Variants in GLIS3 observed in about 807,000 individuals in gnomAD.
GLIS3 encodes the protein GLIS family zinc finger 3, also known as zinc finger protein GLIS3.
In GLIS3, 53 loss-of-function variants were observed where a neutral mutation model predicts 78.6. The observed-to-expected ratio is 0.67, with a 90% CI of 0.54 to 0.85. GLIS3 has a LOEUF of 0.85. Ranked by LOEUF, GLIS3 falls within the 40% of genes least tolerant of loss-of-function variation. The pLI is 0.00. For synonymous variants in GLIS3, 684 were observed against 509.9 expected (o/e 1.34, Z -4.60); for missense variants, 1,703 against 1,231.1 (o/e 1.38, Z -5.74).
Position 3,975,591 on chromosome 9 carries a change from AG to A in GLIS3, c.1711-38403del. ...TTTTTTTTTTTTTTGAGAAGCAAAA[AG>A]TACCTTATAGGTGCTTACTTTTAAG... On this transcript the variant is annotated intron_variant, in intron 4 of 10. Coordinates refer to ENST00000381971, the MANE Select transcript of GLIS3 (RefSeq NM_001042413.2). 1.3e-5 allele frequency among the ~76,000 whole-genome samples: 2 copies of A among 152,078 alleles called. 1 individual carries two copies. The highest frequency in any genetic ancestry group is 4.1e-4 in the South Asian group (2 of 4,820).
rs564344143 is a variant in GLIS3 at position 4,152,055 on chromosome 9, C to A, written c.389-26114G>T. On this transcript the variant is annotated intron_variant, in intron 2 of 10. Coordinates refer to ENST00000381971, the MANE Select transcript of GLIS3 (RefSeq NM_001042413.2). ...AACCAGAACCTCAAACCCTCCCAGTCTCATATCTCACCTAGACAACAAACA... is the reference window on the plus strand; with the variant it reads ...AACCAGAACCTCAAACCCTCCCAGTATCATATCTCACCTAGACAACAAACA... 56 of 758,288 alleles carry A rather than the reference C, an allele frequency of 7.4e-5. No homozygotes were observed. The South Asian group carries it at 2.7e-3, about 37-fold the overall frequency. The allele number at this position is 758,288 out of a possible 1,614,324, so 47.0% of individuals were successfully genotyped here. A position where few individuals can be genotyped will look rare whatever the true frequency, so the allele number is the denominator to read the frequency against.
At chr9:4,188,597 T>C (rs1258478038) in intron 2 of GLIS3, among the ~76,000 whole-genome samples, 2 of 152,170 alleles carry the variant, frequency 1.3e-5, no homozygotes, top group Non-Finnish European at 2.9e-5. Context: ...GTACCTCTGG[T>C]AGAATTCAGC....
At chr9:4,235,401 C>G (rs374956277) in intron 2 of GLIS3, among the ~76,000 whole-genome samples, 30 of 152,130 alleles carry the variant, frequency 2.0e-4, no homozygotes, top group African/African-American at 7.0e-4. Context: ...GCATGTGCCA[C>G]CGCTTAAGAC....
intron 2 of GLIS3, among the ~76,000 whole-genome samples, chr9:4,321,654 T>G (rs1245490062): frequency 1.4e-5 from 2 of 139,836 alleles, no homozygotes; most frequent in African/African-American, 5.3e-5. Flanking sequence ...TCCCATTTCT[T>G]CTCTGCTATC....
rs1554646448 is a variant in GLIS3, at chr9:4,279,314, A to AT, written c.388+6723_388+6724insA. On this transcript the variant is annotated intron_variant, in intron 2 of 10. Transcript: ENST00000381971. ...CTCCATCTCAAAAAAAAAAAAAAAA[A>AT]ATATATATATACACACACACACACA... 7.4e-3 allele frequency among the ~76,000 whole-genome samples: 610 copies of AT among 82,646 alleles called. 42 individuals carry two copies. Among genetic ancestry groups the AT allele is most frequent in the African/African-American group, 0.021 (537 of 25,766 alleles). 54.2% of individuals were successfully genotyped at this position (82,646 alleles called of 152,430 possible).
At chr9:4,455,782 A>G in the GLIS3 span, among the ~76,000 whole-genome samples, 1 of 152,154 alleles carries the variant, frequency 6.6e-6, no homozygotes, top group African/African-American at 2.4e-5. Context: ...CAATAAAGTG[A>G]TTCACATGAT....
chr9:3,898,027 C>A (rs1822988476), intron 7 of GLIS3, among the ~76,000 whole-genome samples: 1 of 152,174 alleles, frequency 6.6e-6, no homozygotes, highest in Admixed American at 6.5e-5. Context: ...ATAAGTATAT[C>A]ACCATTACAG....
intron 7 of GLIS3, among the ~76,000 whole-genome samples, chr9:3,896,714 G>C (rs1588172345): frequency 2.4e-5 from 3 of 126,978 alleles, no homozygotes; most frequent in South Asian, 5.5e-4. Flanking sequence ...ACAGTCATAA[G>C]GTACCTGGAG....
chr9:4,084,806 G>A (rs765420839), intron 4 of GLIS3, among the ~76,000 whole-genome samples: 2 of 152,002 alleles, frequency 1.3e-5, no homozygotes, highest in South Asian at 2.1e-4. Flanking sequence ...AGAACACCAC[G>A]TTAGGACTGT....
chr9:4,339,257 C>A (rs1817799270), intron 2 of GLIS3, among the ~76,000 whole-genome samples: 2 of 152,182 alleles, frequency 1.3e-5, no homozygotes, highest in African/African-American at 4.8e-5. Context: ...GTGAATTGAT[C>A]TGTTGTTTTG....
chr9:4,328,647 C>G (rs1817638017), intron 2 of GLIS3, among the ~76,000 whole-genome samples: 1 of 152,230 alleles, frequency 6.6e-6, no homozygotes, highest in African/African-American at 2.4e-5. Flanking sequence ...GTCCTGAAGC[C>G]AGAGAGCCTG....
At chr9:4,022,551 T>C (rs1822977064) in intron 4 of GLIS3, among the ~76,000 whole-genome samples, 1 of 152,150 alleles carries the variant, frequency 6.6e-6, no homozygotes, top group Admixed American at 6.6e-5. Flanking sequence ...GCCTACCCTA[T>C]GACCCAGCCA....
intron 4 of GLIS3, among the ~76,000 whole-genome samples, chr9:4,025,219 T>A (rs900230715): frequency 6.6e-6 from 1 of 151,134 alleles, no homozygotes; most frequent in African/African-American, 2.4e-5. Flanking sequence ...GGCACTGCAC[T>A]CCAACCTAGG....
intron 2 of GLIS3, among the ~76,000 whole-genome samples, chr9:4,219,236 C>G (rs1407055038): frequency 6.6e-6 from 1 of 152,210 alleles, no homozygotes; most frequent in East Asian, 1.9e-4. Flanking sequence ...ATAAACGAGA[C>G]CTGACCAACA....
At chr9:4,467,105 C>T in the GLIS3 span, among the ~76,000 whole-genome samples, 31 of 152,290 alleles carry the variant, frequency 2.0e-4, no homozygotes, top group Middle Eastern at 3.4e-3. Context: ...CCATTGCTGA[C>T]GCTTGAGCAG....
At chr9:3,937,325 A>T in intron 4 of GLIS3, 136 bp from the exon 5 acceptor site, 1 of 837,708 alleles carries the variant, frequency 1.2e-6, no homozygotes. Flanking sequence ...AACAGTAATA[A>T]ATATTGCTCC....
chr9:4,397,234 C>T, the GLIS3 span, among the ~76,000 whole-genome samples: 1 of 145,084 alleles, frequency 6.9e-6, no homozygotes, highest in South Asian at 2.2e-4. Flanking sequence ...ACCGTTTTAG[C>T]CGGGATGGTC....
chr9:3,999,651 T>G lies in GLIS3; in HGVS notation c.1711-62462A>C, dbSNP rs186665723. Among the ~76,000 whole-genome samples, 7 of 152,282 alleles carry G rather than the reference T, an allele frequency of 4.6e-5. No individual in the cohort carries two copies. The East Asian group carries it at 5.8e-4, about 13-fold the overall frequency. On this transcript the variant is annotated intron_variant, in intron 4 of 10. Coordinates refer to ENST00000381971, the MANE Select transcript of GLIS3 (RefSeq NM_001042413.2). ...CAAAGCATATTCATGGACAGCATATTCAACAGGAAAAGTCACTATTGTAAA... is the reference window on the plus strand; with the variant it reads ...CAAAGCATATTCATGGACAGCATATGCAACAGGAAAAGTCACTATTGTAAA...
At chr9:3,902,578 T>A (rs566784491) in intron 6 of GLIS3, among the ~76,000 whole-genome samples, 42 of 152,170 alleles carry the variant, frequency 2.8e-4, no homozygotes, top group South Asian at 8.3e-4. Context: ...GGAGGGAGGG[T>A]CTTTACTTGT....
Sources: gnomAD v4.1 joint callset for allele counts (sites outside exome capture counted in the v4.1 genomes callset) on GRCh38, gnomAD v4.1.1 for gene constraint, MANE v1.5 for transcripts, NCBI Gene and HGNC (gene_info 2026-07-23, HGNC 2026-07-21) for gene names.